Variants in RALYL observed in about 807,000 individuals in gnomAD.
RALYL encodes the protein RALY RNA binding protein like.
Under a neutral mutation model 35.1 loss-of-function variants are expected in RALYL, and 29 were observed. That is an observed-to-expected ratio of 0.83 (90% CI 0.61 to 1.13). The LOEUF (loss-of-function observed/expected upper bound fraction) is 1.13. RALYL is among the 50% of genes most tolerant of loss of function. The pLI, the probability that RALYL is intolerant of heterozygous loss-of-function variation, is 0.00. For missense variants in RALYL, 359 were observed against 360.4 expected (o/e 1.00, Z 0.03); for synonymous variants, 120 against 127.6 (o/e 0.94, Z 0.40).
rs192479851 is a variant in RALYL at position 84,413,844 on chromosome 8, A to C, written c.-23-115455A>C. ...TATTTCCTATTTTGAGTCATGAACC[A>C]AATCATTGTCGTCATCATTAAATCT... is the stretch of plus-strand genomic sequence containing the variant. On this transcript the variant is annotated intron_variant, in intron 1 of 8. Transcript: ENST00000521268. Among the ~76,000 whole-genome samples, 6 of 152,242 alleles carry C rather than the reference A, an allele frequency of 3.9e-5. No individual in the cohort carries two copies. In the East Asian group the frequency reaches 9.6e-4, roughly 24 times the overall value.
chr8:84,529,652 C>G, intron 2 of RALYL, 75 bp downstream of exon 2: 1 of 1,378,858 alleles, frequency 7.3e-7, no homozygotes, highest in South Asian at 1.4e-5. Flanking sequence ...CAAAACCCAA[C>G]ACCACTGTTG....
chr8:84,185,773 A>G (rs979884598), intron 1 of RALYL, among the ~76,000 whole-genome samples: 3 of 152,220 alleles, frequency 2.0e-5, no homozygotes, highest in Non-Finnish European at 4.4e-5. Flanking sequence ...TCTTCTAGGT[A>G]ACTACAGAAA....
chr8:84,232,895 A>G (rs781662783), intron 1 of RALYL, among the ~76,000 whole-genome samples: 12 of 152,202 alleles, frequency 7.9e-5, no homozygotes, highest in Non-Finnish European at 1.5e-4. Context: ...GTGGTATAGT[A>G]ATATTCCTGA....
At chr8:84,895,986 A>G (rs540241268) in intron 8 of RALYL, among the ~76,000 whole-genome samples, 1 of 152,156 alleles carries the variant, frequency 6.6e-6, no homozygotes, top group South Asian at 2.1e-4. Context: ...CTCCCTCACA[A>G]TCTCTCCCAG....
chr8:84,504,308 T>G (rs2056975607), intron 1 of RALYL, among the ~76,000 whole-genome samples: 1 of 152,114 alleles, frequency 6.6e-6, no homozygotes, highest in African/African-American at 2.4e-5. Flanking sequence ...AAACTAAATT[T>G]TTGTTCATAT....
At chr8:84,459,807 A>G (rs1248848096) in intron 1 of RALYL, among the ~76,000 whole-genome samples, 1 of 151,700 alleles carries the variant, frequency 6.6e-6, no homozygotes, top group African/African-American at 2.4e-5. Context: ...GGCACTGAGA[A>G]CTCATCTGCG....
chr8:84,387,975 C>T (rs1209993542), intron 1 of RALYL, among the ~76,000 whole-genome samples: 2 of 151,892 alleles, frequency 1.3e-5, no homozygotes, highest in Non-Finnish European at 2.9e-5. Context: ...GGTATATCTC[C>T]CAATGCTATC....
intron 1 of RALYL, among the ~76,000 whole-genome samples, chr8:84,325,167 G>A (rs1038485666): frequency 6.6e-6 from 1 of 152,070 alleles, no homozygotes; most frequent in African/African-American, 2.4e-5. Flanking sequence ...TTCTGTTATG[G>A]GGAGAGGGCA....
intron 1 of RALYL, among the ~76,000 whole-genome samples, chr8:84,192,511 A>T (rs1047286125): frequency 2.0e-5 from 3 of 152,026 alleles, no homozygotes; most frequent in African/African-American, 7.2e-5. Context: ...TGAGTGCTGA[A>T]TTATTTGGGA....
chr8:84,459,440 C>T (rs923501872), intron 1 of RALYL, among the ~76,000 whole-genome samples: 2 of 151,666 alleles, frequency 1.3e-5, no homozygotes, highest in African/African-American at 4.8e-5. Context: ...TAAAAGTAAA[C>T]AAACATAAAA....
intron 2 of RALYL, among the ~76,000 whole-genome samples, chr8:84,745,847 G>T (rs1331118847): frequency 6.6e-6 from 1 of 151,860 alleles, no homozygotes; most frequent in East Asian, 1.9e-4. Flanking sequence ...TTTCATTCCT[G>T]TGTTTTTTTA....
intron 2 of RALYL, among the ~76,000 whole-genome samples, chr8:84,694,498 T>C (rs1838738764): frequency 6.6e-6 from 1 of 151,790 alleles, no homozygotes; most frequent in Non-Finnish European, 1.5e-5. Flanking sequence ...TGTTTATGGA[T>C]TAAAAGAATT....
At chr8:84,216,086 A>G (rs1373634296) in intron 1 of RALYL, among the ~76,000 whole-genome samples, 1 of 152,166 alleles carries the variant, frequency 6.6e-6, no homozygotes, top group African/African-American at 2.4e-5. Flanking sequence ...ACCTCTTTTC[A>G]GTATGCTGTG....
intron 2 of RALYL, among the ~76,000 whole-genome samples, chr8:84,704,468 C>CACAG (rs1840796285): frequency 7.4e-6 from 1 of 135,518 alleles, no homozygotes; most frequent in Admixed American, 7.0e-5. Flanking sequence ...CACACACACA[C>CACAG]ACACACACAC....
chr8:84,700,424 T>TA (rs1280371424), intron 2 of RALYL, among the ~76,000 whole-genome samples: 1 of 151,956 alleles, frequency 6.6e-6, no homozygotes, highest in East Asian at 1.9e-4. Context: ...AATTATAGTT[T>TA]AAAAAAAATG....
chr8:84,372,658 T>C (rs1311410531), intron 1 of RALYL, among the ~76,000 whole-genome samples: 1 of 151,878 alleles, frequency 6.6e-6, no homozygotes, highest in Non-Finnish European at 1.5e-5. Context: ...CCACTTGAGT[T>C]GATGAGTTCC....
chr8:84,385,445 C>G (rs1354080338), intron 1 of RALYL, among the ~76,000 whole-genome samples: 3 of 151,710 alleles, frequency 2.0e-5, no homozygotes, highest in Non-Finnish European at 1.5e-5. Context: ...CTTACTTCAT[C>G]TAATGTGTGA....
rs142784944 is a variant in RALYL at position 84,706,381 on chromosome 8, C to T, written c.257-68198C>T. Among the ~76,000 whole-genome samples, 603 of 152,012 alleles carry T rather than the reference C, an allele frequency of 4.0e-3. 6 individuals are homozygous for T. Among genetic ancestry groups the T allele is most frequent in the African/African-American group, 0.013 (553 of 41,506 alleles). ...CTGGACAGTTCTCTTTTTTGCTTTT[C>T]TAGGAGTGATAGATTTTCTTTCCTG... On this transcript the variant is annotated intron_variant, in intron 2 of 8. Coordinates refer to ENST00000521268, the MANE Select transcript of RALYL (RefSeq NM_173848.7).
At position 84,606,591 on chromosome 8, in the gene RALYL, TTTTAAG is replaced by T. The variant is rs1817195027; in HGVS notation, c.256+77018_256+77023del. ...ATTTTCTCCTGAAGACATCAATATA[TTTTAAG>T]TTTTTCTCTAAAGAAGTGGAGGGTC... On this transcript the variant is annotated intron_variant, in intron 2 of 8. Coordinates refer to ENST00000521268, the MANE Select transcript of RALYL (RefSeq NM_173848.7). 3.9e-5 allele frequency among the ~76,000 whole-genome samples: 6 copies of T among 152,302 alleles called. No individual in the cohort carries two copies. The South Asian group carries it at 1.2e-3, about 32-fold the overall frequency.
Sources: gnomAD v4.1 joint callset for allele counts (sites outside exome capture counted in the v4.1 genomes callset) on GRCh38, gnomAD v4.1.1 for gene constraint, MANE v1.5 for transcripts, NCBI Gene and HGNC (gene_info 2026-07-23, HGNC 2026-07-21) for gene names.